The following FRG1 variants were observed in gnomAD, a reference collection of about 807,000 sequenced individuals.
FRG1 encodes protein FRG1.
In FRG1, 19 loss-of-function variants were observed where a neutral mutation model predicts 37.0. That is an observed-to-expected ratio of 0.51 (90% CI 0.36 to 0.75). FRG1 has a LOEUF of 0.75. FRG1 is among the 30% of genes least tolerant of loss of function. The pLI is 0.00. For missense variants in FRG1, 243 were observed against 301.4 expected, an observed-to-expected ratio of 0.81 and a Z score of 1.44; for synonymous variants, 73 against 96.5, an observed-to-expected ratio of 0.76 and a Z score of 1.43.
At chr4:189,954,224 T>C (rs1736883052) in intron 4 of FRG1, among the ~76,000 whole-genome samples, 1 of 152,138 alleles carries the variant, frequency 6.6e-6, no homozygotes, top group African/African-American at 2.4e-5. Context: ...AAATGCGTGA[T>C]ACAAAACATA....
chr4:189,943,321 A>G (rs767122072), intron 2 of FRG1, 49 bp downstream of exon 2: 3 of 1,574,826 alleles, frequency 1.9e-6, no homozygotes, highest in Non-Finnish European at 2.6e-6. Context: ...ATGTTTCTTG[A>G]GATCTCCTTG....
intron 2 of FRG1, among the ~76,000 whole-genome samples, chr4:189,945,768 C>T (rs998617186): frequency 6.6e-6 from 1 of 151,926 alleles, no homozygotes; most frequent in Non-Finnish European, 1.5e-5. Flanking sequence ...TACTGGGTGT[C>T]ACAAAATTAG....
At chr4:189,957,854 C>T (rs1737051726) in intron 6 of FRG1, among the ~76,000 whole-genome samples, 1 of 152,124 alleles carries the variant, frequency 6.6e-6, no homozygotes, top group African/African-American at 2.4e-5. Context: ...CGTGGTCCAA[C>T]ATTTTCAAAT....
intron 8 of FRG1, 42 bp from the exon 9 acceptor site, chr4:189,963,051 A>G (rs1208272434): frequency 8.6e-6 from 12 of 1,394,858 alleles, no homozygotes; most frequent in Non-Finnish European, 1.2e-5. Flanking sequence ...TATATATGGC[A>G]TGTTTTACAT....
intron 1 of FRG1, among the ~76,000 whole-genome samples, chr4:189,942,562 A>G (rs1736360405): frequency 6.6e-6 from 1 of 152,222 alleles, no homozygotes; most frequent in Admixed American, 6.5e-5. Context: ...GCTGCATAGT[A>G]TTCCATTGTA....
intron 4 of FRG1, among the ~76,000 whole-genome samples, chr4:189,953,651 G>A (rs1158644933): frequency 1.3e-5 from 2 of 151,908 alleles, no homozygotes; most frequent in Non-Finnish European, 2.9e-5. Context: ...TTTAGTAATT[G>A]GTTACATCAA....
intron 3 of FRG1, among the ~76,000 whole-genome samples, chr4:189,952,860 C>T (rs531818210): frequency 4.0e-3 from 613 of 152,324 alleles, no homozygotes; most frequent in African/African-American, 0.014. Flanking sequence ...ATCACCCTGT[C>T]TTACTCAGTG....
intron 2 of FRG1, among the ~76,000 whole-genome samples, chr4:189,945,167 T>C (rs1221034385): frequency 1.3e-5 from 2 of 152,238 alleles, no homozygotes; most frequent in Non-Finnish European, 2.9e-5. Flanking sequence ...GGTTTGCTTA[T>C]ATAGAAAACT....
Position 189,961,841 on chromosome 4 carries a change from C to T in FRG1, c.649C>T (p.Gln217Ter), listed in dbSNP as rs1737249901. 6.4e-7 allele frequency: 1 copy of T among 1,560,628 alleles called. No homozygotes were observed. Among genetic ancestry groups the T allele is most frequent in the Admixed American group, 1.8e-5 (1 of 54,456 alleles). ...INYVKKFQSFQDHKLKISKED... is the reference protein window; with the variant it reads ...INYVKKFQSF ...TTACAGAAAGAAATTTCAGAGCTTC[C>T]AAGACCACAAACTTAAAATAAGTAA... Residue 217 changes from glutamine to a stop codon, truncating the protein, a stop_gained, in exon 8 of 9, where the codon CAA becomes TAA. Transcript: ENST00000226798. LOFTEE classifies it high-confidence loss of function.
At position 189,956,891 on chromosome 4, in the gene FRG1, A is replaced by C. The variant is rs534342661; in HGVS notation, c.433-507A>C. 2.0e-5 allele frequency among the ~76,000 whole-genome samples: 3 copies of C among 152,364 alleles called. No individual in the cohort carries two copies. The East Asian group carries it at 5.8e-4, about 29-fold the overall frequency. On this transcript the variant is annotated intron_variant, in intron 5 of 8. Transcript: ENST00000226798. ...AGTGTAATATATCAAACATTAAACA[A>C]CTAAAAAAGTATATGAATATTTATT...
At chr4:189,950,043 T>G (rs1736688209) in intron 2 of FRG1, among the ~76,000 whole-genome samples, 2 of 149,382 alleles carry the variant, frequency 1.3e-5, no homozygotes, top group Non-Finnish European at 2.9e-5. Context: ...GTTTCTGTTT[T>G]TTGTTTGTTT....
At chr4:189,961,657 C>T in intron 7 of FRG1, 165 bp from the exon 8 acceptor site, 2 of 471,164 alleles carry the variant, frequency 4.2e-6, no homozygotes, top group Non-Finnish European at 7.5e-6. Context: ...ATGTGCCTGC[C>T]TTGGCCTCCC....
At chr4:189,958,681 A>G (rs1329933171) in intron 6 of FRG1, among the ~76,000 whole-genome samples, 1 of 152,280 alleles carries the variant, frequency 6.6e-6, no homozygotes, top group Non-Finnish European at 1.5e-5. Context: ...AAAGTTACAC[A>G]GACATCTTCA....
rs550347072 is a variant in FRG1 at position 189,959,051 on chromosome 4, G to A, written c.537+1549G>A. On this transcript the variant is annotated intron_variant, in intron 6 of 8. Coordinates refer to ENST00000226798, the MANE Select transcript of FRG1 (RefSeq NM_004477.3). ...AAGTGCCTTTTCTAAAATGCCCTTC[G>A]TTCTTATAATTAGAGCATAAAAATT... 3.3e-5 allele frequency among the ~76,000 whole-genome samples: 5 copies of A among 152,272 alleles called. No homozygotes were observed. In the East Asian group the frequency reaches 5.8e-4, roughly 18 times the overall value.
intron 1 of FRG1, 102 bp downstream of exon 1, chr4:189,941,173 G>A (rs1736277569): frequency 9.4e-7 from 1 of 1,060,290 alleles, no homozygotes; most frequent in Non-Finnish European, 1.4e-6. Flanking sequence ...CGGCTTTGTG[G>A]CCTCCCAGGC....
Position 189,941,046 on chromosome 4 carries a change from G to A in FRG1, c.37G>A (p.Val13Met), listed in dbSNP as rs1335918359. The A allele has an allele frequency of 1.9e-6, 3 of 1,614,016 alleles. No individual in the cohort carries two copies. The African/African-American group carries it at 4.0e-5, about 22-fold the overall frequency. Residue 13 changes from valine to methionine, a missense_variant, in exon 1 of 9, where the codon GTG becomes ATG. Coordinates refer to ENST00000226798, the MANE Select transcript of FRG1 (RefSeq NM_004477.3). ...EYSYVKSTKL[V>M]LKGTKTKSKK... Reference sequence around the variant, plus strand: ...CTCCTACGTGAAGTCTACCAAGCTCGTGCTCAAGGGAACCAAGACGAAGAG... The same window carrying A: ...CTCCTACGTGAAGTCTACCAAGCTCATGCTCAAGGGAACCAAGACGAAGAG...
intron 1 of FRG1, chr4:189,941,874 G>A (rs1331949208): frequency 2.3e-6 from 1 of 442,480 alleles, no homozygotes; most frequent in Non-Finnish European, 4.5e-6. Context: ...TTTCCTCCTG[G>A]TCTCCGTGAT....
intron 6 of FRG1, among the ~76,000 whole-genome samples, chr4:189,957,962 T>G (rs1737057437): frequency 1.3e-5 from 2 of 152,128 alleles, no homozygotes; most frequent in Admixed American, 1.3e-4. Flanking sequence ...CTCCTAAAAT[T>G]TCTTTATAAA....
At chr4:189,958,404 A>G (rs1737081238) in intron 6 of FRG1, among the ~76,000 whole-genome samples, 1 of 152,218 alleles carries the variant, frequency 6.6e-6, no homozygotes, top group African/African-American at 2.4e-5. Context: ...ATGAAACATA[A>G]AAAATCATAG....
Sources: allele counts gnomAD v4.1 joint callset (sites outside exome capture counted in the v4.1 genomes callset), GRCh38; gene constraint gnomAD v4.1.1; transcripts MANE v1.5; gene names NCBI Gene and HGNC (gene_info 2026-07-23, HGNC 2026-07-21).